The following KIAA1549L variants were observed in gnomAD, a reference collection of about 807,000 sequenced individuals.
The protein encoded by KIAA1549L is KIAA1549 like.
A neutral mutation model predicts 160.7 loss-of-function variants in KIAA1549L; 88 were observed. That is an observed-to-expected ratio of 0.55 (90% CI 0.46 to 0.65). The LOEUF (loss-of-function observed/expected upper bound fraction) is 0.65, where lower values mean the gene tolerates loss of function less well. KIAA1549L is among the 30% of genes least tolerant of loss of function. The pLI is 0.00. For synonymous variants in KIAA1549L, 950 were observed against 976.7 expected, an observed-to-expected ratio of 0.97 and a Z score of 0.51; for missense variants, 2,258 against 2,437.5, an observed-to-expected ratio of 0.93 and a Z score of 1.55.
At chr11:33,491,573 T>TGG (rs1852664326) in intron 1 of KIAA1549L, among the ~76,000 whole-genome samples, 1 of 152,212 alleles carries the variant, frequency 6.6e-6, no homozygotes, top group Non-Finnish European at 1.5e-5. Flanking sequence ...GTTTTGAATC[T>TGG]GGAAGTACTT....
At chr11:33,422,517 C>T (rs1435938817) in intron 1 of KIAA1549L, among the ~76,000 whole-genome samples, 9 of 120,740 alleles carry the variant, frequency 7.5e-5, no homozygotes, top group Non-Finnish European at 1.6e-4. Flanking sequence ...TTCCCTCCCT[C>T]CCCTCCCTTC....
chr11:33,454,273 G>A (rs534287190), intron 1 of KIAA1549L, among the ~76,000 whole-genome samples: 1 of 152,266 alleles, frequency 6.6e-6, no homozygotes, highest in Non-Finnish European at 1.5e-5. Flanking sequence ...TCTAACTCCA[G>A]TTCTAGCACC....
chr11:33,493,146 G>A (rs1405145130), intron 1 of KIAA1549L, among the ~76,000 whole-genome samples: 6 of 152,086 alleles, frequency 3.9e-5, no homozygotes, highest in Non-Finnish European at 8.8e-5. Flanking sequence ...TGCAGCTGGG[G>A]TGATGCTGTG....
In KIAA1549L at chr11:33,520,783, T is replaced by G. The variant is rs565260393; in HGVS notation, c.239-21019T>G. ...CTCTCGTAATTGTTTTTTCTTGTTT[T>G]GTCTTGGTTGGGTGAAAACTTTGCA... On this transcript the variant is annotated intron_variant, in intron 1 of 20. Coordinates refer to ENST00000658780, the MANE Select transcript of KIAA1549L (RefSeq NM_012194.3). 1.7e-3 allele frequency among the ~76,000 whole-genome samples: 259 copies of G among 150,934 alleles called. 2 individuals are homozygous for G. The highest frequency in any genetic ancestry group is 6.2e-3 in the African/African-American group (253 of 40,938).
chr11:33,647,828 C>T (rs1236178372), intron 17 of KIAA1549L, among the ~76,000 whole-genome samples: 1 of 151,750 alleles, frequency 6.6e-6, no homozygotes, highest in Non-Finnish European at 1.5e-5. Context: ...ATGATGAAAA[C>T]TTAAATGGTT....
intron 1 of KIAA1549L, among the ~76,000 whole-genome samples, chr11:33,447,497 T>TCTAC (rs1851636883): frequency 4.4e-5 from 1 of 22,896 alleles, no homozygotes; most frequent in African/African-American, 2.0e-4. Flanking sequence ...CACCCACCCA[T>TCTAC]CTACCTACCT....
intron 1 of KIAA1549L, among the ~76,000 whole-genome samples, chr11:33,446,039 G>C (rs1398163971): frequency 6.6e-6 from 1 of 151,536 alleles, no homozygotes; most frequent in African/African-American, 2.4e-5. Flanking sequence ...CTCTTGCAGT[G>C]TGTCAGACAC....
At chr11:33,538,461 G>T (rs902265353) in intron 1 of KIAA1549L, among the ~76,000 whole-genome samples, 1 of 152,152 alleles carries the variant, frequency 6.6e-6, no homozygotes, top group African/African-American at 2.4e-5. Flanking sequence ...TCATGTACTA[G>T]CACGTATCAG....
chr11:33,390,091 C>T (rs148275088), intron 1 of KIAA1549L, among the ~76,000 whole-genome samples: 5 of 152,342 alleles, frequency 3.3e-5, no homozygotes, highest in African/African-American at 1.2e-4. Context: ...CTCATACCAA[C>T]CCTATGAAGT....
chr11:33,596,778 G>T (rs1420780515), intron 12 of KIAA1549L, among the ~76,000 whole-genome samples: 1 of 151,460 alleles, frequency 6.6e-6, no homozygotes, highest in African/African-American at 2.4e-5. Context: ...TGTGAAATAG[G>T]TTATAAAAAG....
chr11:33,614,531 G>GCTACATATATATATAT lies in KIAA1549L; in HGVS notation c.5280-4002_5280-4001insCTACATATATATATAT, dbSNP rs879500574. Among the ~76,000 whole-genome samples the GCTACATATATATATAT allele has an allele frequency of 2.2e-4, 6 of 27,114 alleles. 1 individual carries two copies. The highest frequency in any genetic ancestry group is 4.0e-4 in the Non-Finnish European group (6 of 15,158). 17.8% of individuals were successfully genotyped at this position (27,114 alleles called of 152,430 possible). ...CTCTTGGGATCTGTGAGTGTAACAAGATATATATATATATATATATATATA... is the reference window on the plus strand; with the variant it reads ...CTCTTGGGATCTGTGAGTGTAACAAGCTACATATATATATATATATATATATATATATATATATATA... On this transcript the variant is annotated intron_variant, in intron 15 of 20. Coordinates refer to ENST00000658780, the MANE Select transcript of KIAA1549L (RefSeq NM_012194.3).
chr11:33,416,403 T>C (rs1850890160), intron 1 of KIAA1549L, among the ~76,000 whole-genome samples: 1 of 152,068 alleles, frequency 6.6e-6, no homozygotes, highest in South Asian at 2.1e-4. Flanking sequence ...CTAGTAAATC[T>C]TTATGTAGTC....
intron 1 of KIAA1549L, among the ~76,000 whole-genome samples, chr11:33,471,217 C>A (rs980288235): frequency 3.4e-5 from 5 of 148,038 alleles, no homozygotes; most frequent in African/African-American, 1.3e-4. Flanking sequence ...CATCTCAGAA[C>A]CTTTTTTTTT....
chr11:33,426,950 T>C (rs1244042927), intron 1 of KIAA1549L, among the ~76,000 whole-genome samples: 4 of 152,238 alleles, frequency 2.6e-5, no homozygotes, highest in African/African-American at 9.6e-5. Flanking sequence ...TAGCATTTTA[T>C]GTAGGCTCTT....
chr11:33,509,460 C>T (rs1181303238), intron 1 of KIAA1549L, among the ~76,000 whole-genome samples: 3 of 152,102 alleles, frequency 2.0e-5, no homozygotes, highest in Non-Finnish European at 4.4e-5. Context: ...CAAGCTCATG[C>T]GTCATTACAA....
intron 1 of KIAA1549L, among the ~76,000 whole-genome samples, chr11:33,433,960 G>A (rs1851304206): frequency 6.6e-6 from 1 of 152,008 alleles, no homozygotes; most frequent in Admixed American, 6.6e-5. Flanking sequence ...GTGAGGGGAG[G>A]GAACTTAGAG....
intron 1 of KIAA1549L, among the ~76,000 whole-genome samples, chr11:33,397,708 T>TCA (rs1491551239): frequency 9.0e-4 from 89 of 98,940 alleles, no homozygotes; most frequent in African/African-American, 3.0e-3. Flanking sequence ...CGAGACTCCA[T>TCA]CTCACACACA....
At chr11:33,439,662 T>C (rs2615908) in intron 1 of KIAA1549L, among the ~76,000 whole-genome samples, 45,945 of 150,664 alleles carry the variant, frequency 0.3, 7,533 homozygotes, top group East Asian at 0.49. Flanking sequence ...CCGCCTGCCT[T>C]GGCCTCCCAA....
Position 33,543,686 on chromosome 11 carries a change from C to A in KIAA1549L, c.2123C>A (p.Ser708Tyr). ...CTTTCAGCAGAAACTGGATCTCTTTCCACAGAATCAATAATATCTGGCTTG... is the reference window on the plus strand; with the variant it reads ...CTTTCAGCAGAAACTGGATCTCTTTACACAGAATCAATAATATCTGGCTTG... ...SSLSAETGSL[S>Y]TESIISGLQQ... Residue 708 changes from serine to tyrosine, a missense_variant, in exon 2 of 21, where the codon TCC becomes TAC. Physicochemically the swap from Ser to Tyr is moderately radical, Grantham distance 144. This residue lies in a region of KIAA1549L where 287 missense variants were observed against 292.3 expected (regional missense o/e 0.98). Coordinates refer to ENST00000658780, the MANE Select transcript of KIAA1549L (RefSeq NM_012194.3). 1 of 1,614,028 alleles carries A rather than the reference C, an allele frequency of 6.2e-7. No individual in the cohort carries two copies. The highest frequency in any genetic ancestry group is 8.5e-7 in the Non-Finnish European group (1 of 1,179,900).
Sources: allele counts gnomAD v4.1 joint callset (sites outside exome capture counted in the v4.1 genomes callset), GRCh38; gene constraint gnomAD v4.1.1; regional missense constraint gnomAD v4.1.1; transcripts MANE v1.5; gene names NCBI Gene and HGNC (gene_info 2026-07-23, HGNC 2026-07-21).